The following GPC6 variants were observed in gnomAD, a reference collection of about 807,000 sequenced individuals.
GPC6 encodes the protein glypican-6.
Under a neutral mutation model 55.2 loss-of-function variants are expected in GPC6, and 14 were observed. The ratio of observed to expected loss-of-function variants is 0.25; its 90% confidence interval spans 0.17 to 0.40. The LOEUF (loss-of-function observed/expected upper bound fraction) is 0.40. Ranked by LOEUF, GPC6 falls within the 10% of genes least tolerant of loss-of-function variation. The pLI, the probability that GPC6 is intolerant of heterozygous loss-of-function variation, is 1.00. For synonymous variants in GPC6, 278 were observed against 259.6 expected, an observed-to-expected ratio of 1.07 and a Z score of -0.68; for missense variants, 641 against 708.5, an observed-to-expected ratio of 0.90 and a Z score of 1.08.
At chr13:94,105,227 G>A (rs999422370) in intron 4 of GPC6, among the ~76,000 whole-genome samples, 7 of 152,074 alleles carry the variant, frequency 4.6e-5, no homozygotes, top group Non-Finnish European at 8.8e-5. Context: ...GATGTAGTTT[G>A]TTGCACCTGC....
rs115617602 is a variant in GPC6, at chr13:93,997,308, A to T, written c.712-30421A>T. Among the ~76,000 whole-genome samples, 676 of 152,270 alleles carry T rather than the reference A, an allele frequency of 4.4e-3. 9 individuals carry two copies. Among genetic ancestry groups the T allele is most frequent in the African/African-American group, 0.016 (647 of 41,562 alleles). ...AGTATATTTGCTACTCTCCTATTTT[A>T]TGTATTAAAATCAACCAAGTTCTTC... On this transcript the variant is annotated intron_variant, in intron 3 of 8. Transcript: ENST00000377047.
intron 1 of GPC6, among the ~76,000 whole-genome samples, chr13:93,393,131 G>GT (rs1566333289): frequency 1.6e-5 from 1 of 60,906 alleles, no homozygotes; most frequent in African/African-American, 4.8e-5. Context: ...TATATATAGA[G>GT]AGAGAGAGAG....
chr13:93,744,024 A>G (rs1884300280), intron 2 of GPC6, among the ~76,000 whole-genome samples: 1 of 152,226 alleles, frequency 6.6e-6, no homozygotes, highest in African/African-American at 2.4e-5. Flanking sequence ...TTTCTGGCGA[A>G]TACAGCAAAA....
At chr13:93,631,218 C>T (rs1434421144) in intron 2 of GPC6, among the ~76,000 whole-genome samples, 1 of 152,138 alleles carries the variant, frequency 6.6e-6, no homozygotes, top group Non-Finnish European at 1.5e-5. Flanking sequence ...ATGTGCTTTC[C>T]ACCTTGTGGA....
At chr13:94,251,713 CA>C (rs61543462) in intron 4 of GPC6, among the ~76,000 whole-genome samples, 62,591 of 130,950 alleles carry the variant, frequency 0.48, 14,794 homozygotes, top group African/African-American at 0.7. Context: ...AGCTAAAAGG[CA>C]AAAAAAAAAA....
chr13:94,107,368 G>A (rs1314777710), intron 4 of GPC6, among the ~76,000 whole-genome samples: 1 of 152,052 alleles, frequency 6.6e-6, no homozygotes, highest in African/African-American at 2.4e-5. Context: ...ATCTTAAAGG[G>A]AAAATATTCT....
At chr13:94,095,889 A>ATAT in intron 4 of GPC6, among the ~76,000 whole-genome samples, 1 of 152,304 alleles carries the variant, frequency 6.6e-6, no homozygotes, top group African/African-American at 2.4e-5. Flanking sequence ...AATGCTTATT[A>ATAT]TATACACTAT....
chr13:93,784,375 A>G (rs1193708018), intron 2 of GPC6, among the ~76,000 whole-genome samples: 1 of 152,164 alleles, frequency 6.6e-6, no homozygotes, highest in East Asian at 1.9e-4. Context: ...CTATCCAAAC[A>G]ATTCTACAGT....
At chr13:94,102,516 TA>T (rs1885904075) in intron 4 of GPC6, among the ~76,000 whole-genome samples, 1 of 151,722 alleles carries the variant, frequency 6.6e-6, no homozygotes, top group African/African-American at 2.4e-5. Flanking sequence ...TTTTTTTTTT[TA>T]ATTTCATCCT....
Position 93,695,507 on chromosome 13 carries a change from G to A in GPC6, c.320-134647G>A, listed in dbSNP as rs547073750. On this transcript the variant is annotated intron_variant, in intron 2 of 8. Coordinates refer to ENST00000377047, the MANE Select transcript of GPC6 (RefSeq NM_005708.5). ...TTCAAGCATCATATAATCCTTTGATGTATAAGGGAACAGTGATTTGAAAAT... is the reference window on the plus strand; with the variant it reads ...TTCAAGCATCATATAATCCTTTGATATATAAGGGAACAGTGATTTGAAAAT... Among the ~76,000 whole-genome samples, 8 of 152,054 alleles carry A rather than the reference G, an allele frequency of 5.3e-5. No individual in the cohort carries two copies. The South Asian group carries it at 1.7e-3, about 32-fold the overall frequency.
intron 1 of GPC6, among the ~76,000 whole-genome samples, chr13:93,353,477 C>G (rs1195221836): frequency 6.6e-6 from 1 of 152,130 alleles, no homozygotes; most frequent in Non-Finnish European, 1.5e-5. Flanking sequence ...ATGAACTTCT[C>G]GTGAAATTAT....
At chr13:93,745,498 A>G (rs934890041) in intron 2 of GPC6, among the ~76,000 whole-genome samples, 1 of 152,040 alleles carries the variant, frequency 6.6e-6, no homozygotes, top group Non-Finnish European at 1.5e-5. Context: ...TATACTTCTT[A>G]CTGTTTCTAT....
chr13:93,638,816 A>G (rs1379463958), intron 2 of GPC6, among the ~76,000 whole-genome samples: 1 of 152,194 alleles, frequency 6.6e-6, no homozygotes, highest in East Asian at 1.9e-4. Context: ...TATATATAGT[A>G]TAATATCTCA....
intron 2 of GPC6, among the ~76,000 whole-genome samples, chr13:93,650,745 G>A (rs185296086): frequency 5.9e-5 from 9 of 152,240 alleles, no homozygotes; most frequent in Admixed American, 1.3e-4. Context: ...ATCAGTTAGC[G>A]TTAATAGGTA....
At chr13:94,310,837 A>C (rs1049136916) in intron 6 of GPC6, among the ~76,000 whole-genome samples, 2 of 152,080 alleles carry the variant, frequency 1.3e-5, no homozygotes, top group Non-Finnish European at 2.9e-5. Flanking sequence ...TTCTGTCCCA[A>C]TGTTCAGACG....
intron 1 of GPC6, among the ~76,000 whole-genome samples, chr13:93,287,190 A>G (rs775818354): frequency 3.5e-4 from 53 of 152,198 alleles, no homozygotes; most frequent in Non-Finnish European, 3.5e-4. Context: ...GGTCCCAAGC[A>G]TTTCAGATAA....
At chr13:93,217,089 T>C in the GPC6 span, among the ~76,000 whole-genome samples, 1 of 152,218 alleles carries the variant, frequency 6.6e-6, no homozygotes, top group Non-Finnish European at 1.5e-5. Context: ...TCCAAAGACT[T>C]CTAATGAATA....
At chr13:93,271,981 T>C (rs1877543624) in intron 1 of GPC6, among the ~76,000 whole-genome samples, 1 of 152,158 alleles carries the variant, frequency 6.6e-6, no homozygotes, top group African/African-American at 2.4e-5. Context: ...ACATTACATC[T>C]TAAGTTTTAT....
chr13:94,372,941 C>T (rs1015323952), intron 6 of GPC6, among the ~76,000 whole-genome samples: 5 of 152,158 alleles, frequency 3.3e-5, no homozygotes, highest in African/African-American at 9.7e-5. Context: ...GAGGCACCCC[C>T]CAGCAGGAGC....
Sources: allele counts gnomAD v4.1 joint callset (sites outside exome capture counted in the v4.1 genomes callset), GRCh38; gene constraint gnomAD v4.1.1; transcripts MANE v1.5; gene names NCBI Gene and HGNC (gene_info 2026-07-23, HGNC 2026-07-21).